Variants in EDIL3 observed in about 807,000 individuals in gnomAD.
The protein encoded by EDIL3 is EGF-like repeat and discoidin I-like domain-containing protein 3.
A neutral mutation model predicts 67.4 loss-of-function variants in EDIL3; 37 were observed. That is an observed-to-expected ratio of 0.55 (90% CI 0.42 to 0.72). The LOEUF (loss-of-function observed/expected upper bound fraction) is 0.72, where lower values mean the gene tolerates loss of function less well. EDIL3 is among the 30% of genes least tolerant of loss of function. The pLI is 0.00. For synonymous variants in EDIL3, 195 were observed against 196.3 expected (o/e 0.99, Z 0.05); for missense variants, 527 against 586.3 (o/e 0.90, Z 1.04).
chr5:84,012,070 A>G (rs1301923480), intron 9 of EDIL3, among the ~76,000 whole-genome samples: 2 of 152,196 alleles, frequency 1.3e-5, no homozygotes, highest in Non-Finnish European at 2.9e-5. Flanking sequence ...AATGTGCTCA[A>G]TAAATGTTTG....
intron 4 of EDIL3, among the ~76,000 whole-genome samples, chr5:84,141,279 G>A (rs568135740): frequency 4.1e-4 from 62 of 150,792 alleles, no homozygotes; most frequent in Middle Eastern, 3.5e-3. Flanking sequence ...TCATAAAACA[G>A]CTTCAAAATA....
chr5:84,300,638 T>C (rs1167410959), intron 1 of EDIL3, among the ~76,000 whole-genome samples: 1 of 152,192 alleles, frequency 6.6e-6, no homozygotes, highest in Non-Finnish European at 1.5e-5. Flanking sequence ...GTGAAATGCA[T>C]ATTCTAACAA....
intron 9 of EDIL3, among the ~76,000 whole-genome samples, chr5:84,010,210 T>G (rs1273741823): frequency 1.3e-5 from 2 of 152,218 alleles, no homozygotes; most frequent in African/African-American, 4.8e-5. Context: ...TTCTTCATCT[T>G]TCTTATTCCT....
chr5:84,381,662 T>G (rs1748076888), intron 1 of EDIL3, among the ~76,000 whole-genome samples: 1 of 152,162 alleles, frequency 6.6e-6, no homozygotes, highest in Non-Finnish European at 1.5e-5. Context: ...CTAGACATTT[T>G]TAGACAGTGC....
intron 1 of EDIL3, among the ~76,000 whole-genome samples, chr5:84,357,552 C>T (rs1221081515): frequency 6.6e-6 from 1 of 152,074 alleles, no homozygotes; most frequent in East Asian, 1.9e-4. Context: ...TTCCATATCT[C>T]TGTCCCAGAA....
chr5:84,148,116 C>T (rs1748320450), intron 4 of EDIL3, among the ~76,000 whole-genome samples: 1 of 152,036 alleles, frequency 6.6e-6, no homozygotes, highest in Non-Finnish European at 1.5e-5. Flanking sequence ...AGAAAAATAT[C>T]TTGTAAACTT....
chr5:84,331,609 T>C (rs1746873180), intron 1 of EDIL3, among the ~76,000 whole-genome samples: 1 of 152,198 alleles, frequency 6.6e-6, no homozygotes, highest in Non-Finnish European at 1.5e-5. Flanking sequence ...CCTGTGGAAC[T>C]GCGAGTCAAT....
chr5:83,970,259 TATA>T (rs1561389019), intron 9 of EDIL3, among the ~76,000 whole-genome samples: 7,533 of 38,510 alleles, frequency 0.2, 238 homozygotes, highest in Non-Finnish European at 0.42. Context: ...TCACTAATTA[TATA>T]TATATATATA....
intron 1 of EDIL3, among the ~76,000 whole-genome samples, chr5:84,357,887 C>CAAAAAAA: frequency 1.3e-5 from 1 of 79,256 alleles, no homozygotes; most frequent in Non-Finnish European, 2.4e-5. Context: ...GACTCAGTCT[C>CAAAAAAA]AAAAAAAAAA....
chr5:84,106,637 C>G lies in EDIL3; in HGVS notation c.651+12G>C. 1 of 1,591,098 alleles carries G rather than the reference C, an allele frequency of 6.3e-7. No homozygotes were observed. Among genetic ancestry groups the G allele is most frequent in the South Asian group, 1.1e-5 (1 of 87,118 alleles). On this transcript the variant is annotated intron_variant, in intron 6 of 10. Transcript: ENST00000296591. ...ACTTATAACATTAACCTTGTCCCAT[C>G]CCATCTGTTACCTGAATCCACGGCC...
intron 4 of EDIL3, among the ~76,000 whole-genome samples, chr5:84,138,908 T>C (rs966074808): frequency 6.6e-5 from 10 of 152,198 alleles, no homozygotes; most frequent in Admixed American, 1.3e-4. Flanking sequence ...AATCAGAATC[T>C]GCTAATCTCT....
rs369961167 is a variant in EDIL3, at chr5:84,080,298, C to CAAAAAAAAAAAAAAAAAA, written c.652-13710_652-13693dup. On this transcript the variant is annotated intron_variant, in intron 6 of 10. Transcript: ENST00000296591. ...TGGGTGACAGAGCGAGACTCTGTCT[C>CAAAAAAAAAAAAAAAAAA]AAAAAAAAAAAAAAAAAATTAACTC... 1.0e-3 allele frequency among the ~76,000 whole-genome samples: 55 copies of CAAAAAAAAAAAAAAAAAA among 54,258 alleles called. 4 individuals carry two copies. Among genetic ancestry groups the CAAAAAAAAAAAAAAAAAA allele is most frequent in the African/African-American group, 4.3e-3 (52 of 12,012 alleles). 35.6% of individuals were successfully genotyped at this position (54,258 alleles called of 152,430 possible). A position where few individuals can be genotyped will look rare whatever the true frequency, so the allele number is the denominator to read the frequency against.
At chr5:84,163,653 G>A (rs531146263) in intron 4 of EDIL3, among the ~76,000 whole-genome samples, 5 of 152,062 alleles carry the variant, frequency 3.3e-5, no homozygotes, top group South Asian at 2.1e-4. Flanking sequence ...ATCTATCTAC[G>A]TAACTTAGAA....
chr5:84,358,831 T>C (rs1187382784), intron 1 of EDIL3, among the ~76,000 whole-genome samples: 1 of 151,968 alleles, frequency 6.6e-6, no homozygotes, highest in African/African-American at 2.4e-5. Flanking sequence ...AGGATGGTCT[T>C]GATCTCCTGA....
intron 1 of EDIL3, among the ~76,000 whole-genome samples, chr5:84,300,933 T>TACACACACACACACAC (rs5869219): frequency 4.7e-5 from 7 of 149,598 alleles, no homozygotes; most frequent in South Asian, 2.1e-4. Context: ...CACAGACACA[T>TACACACACACACACAC]ACACACACAC....
At position 84,298,334 on chromosome 5, in the gene EDIL3, C is replaced by G. The variant is rs1355130946; in HGVS notation, c.68-44122G>C. On this transcript the variant is annotated intron_variant, in intron 1 of 10. Coordinates refer to ENST00000296591, the MANE Select transcript of EDIL3 (RefSeq NM_005711.5). Reference sequence around the variant, plus strand: ...AATGAGATCATGTCTTTTGCAGAGCCACTGATGAAGCTGGAAGTCATCCTC... The same window carrying G: ...AATGAGATCATGTCTTTTGCAGAGCGACTGATGAAGCTGGAAGTCATCCTC... 2.6e-5 allele frequency among the ~76,000 whole-genome samples: 4 copies of G among 152,066 alleles called. No individual in the cohort carries two copies. In the East Asian group the frequency reaches 7.7e-4, roughly 29 times the overall value.
intron 1 of EDIL3, among the ~76,000 whole-genome samples, chr5:84,255,744 T>C (rs1745111255): frequency 6.6e-6 from 1 of 152,160 alleles, no homozygotes; most frequent in Non-Finnish European, 1.5e-5. Context: ...ACCAAGTCAT[T>C]AGCCACACTA....
chr5:84,201,195 G>A (rs925821130), intron 3 of EDIL3, among the ~76,000 whole-genome samples: 14 of 151,930 alleles, frequency 9.2e-5, no homozygotes, highest in Middle Eastern at 3.4e-3. Context: ...TGTTATCAGG[G>A]GTATGATCCA....
rs1273080714 is a variant in EDIL3 at position 84,206,240 on chromosome 5, T to A, written c.226+23615A>T. Among the ~76,000 whole-genome samples the A allele has an allele frequency of 2.6e-5, 4 of 152,316 alleles. 1 individual carries two copies. The highest frequency in any genetic ancestry group is 2.6e-4 in the Admixed American group (4 of 15,302). ...GAGTGGTTTTGAGTGAGTTTCTTAA[T>A]CCTGAGTTCTAGTTTGAGTGCACTG... is the stretch of plus-strand genomic sequence containing the variant. On this transcript the variant is annotated intron_variant, in intron 3 of 10. Coordinates refer to ENST00000296591, the MANE Select transcript of EDIL3 (RefSeq NM_005711.5).
Sources: gnomAD v4.1 joint callset for allele counts (sites outside exome capture counted in the v4.1 genomes callset) on GRCh38, gnomAD v4.1.1 for gene constraint, MANE v1.5 for transcripts, NCBI Gene and HGNC (gene_info 2026-07-23, HGNC 2026-07-21) for gene names.